The following ZNF774 variants were observed in gnomAD, a reference collection of about 807,000 sequenced individuals.
ZNF774 encodes zinc finger protein 774.
ZNF774 carries 14 observed loss-of-function variants against 11.1 expected under a neutral mutation model. That is an observed-to-expected ratio of 1.26 (90% confidence interval 0.83 to 1.97). The LOEUF is 1.97. ZNF774 is among the 30% of genes most tolerant of loss of function. The pLI, the probability that ZNF774 is intolerant of heterozygous loss-of-function variation, is 0.00. For missense variants in ZNF774, 599 were observed against 587.0 expected (o/e 1.02, Z -0.21); for synonymous variants, 195 against 212.6 (o/e 0.92, Z 0.72).
chr15:90,357,532 A>C (rs1327357746), intron 2 of ZNF774, among the ~76,000 whole-genome samples: 1 of 152,188 alleles, frequency 6.6e-6, no homozygotes, highest in Non-Finnish European at 1.5e-5. Flanking sequence ...CACAAAACAC[A>C]AAAAAAGAGT....
chr15:90,356,036 AAAAATAAAT>A (rs760481733), intron 2 of ZNF774, among the ~76,000 whole-genome samples: 19,845 of 140,444 alleles, frequency 0.14, 1,772 homozygotes, highest in South Asian at 0.21. Flanking sequence ...TCAAAAAAAA[AAAAATAAAT>A]AAAAAAAACC....
At chr15:90,354,401 T>C (rs1197755832) in intron 1 of ZNF774, among the ~76,000 whole-genome samples, 2 of 152,208 alleles carry the variant, frequency 1.3e-5, no homozygotes, top group East Asian at 3.8e-4. Flanking sequence ...AAAGACTGGG[T>C]TCTGTCGATG....
chr15:90,355,226 TCC>T, intron 2 of ZNF774: 1 of 451,730 alleles, frequency 2.2e-6, no homozygotes, highest in Admixed American at 2.4e-5. Flanking sequence ...AATTGTTGCC[TCC>T]TTGGGAGAAA....
Position 90,361,513 on chromosome 15 carries a change from G to T in ZNF774, c.*230G>T. ...GTGACTGACTCTTAGGGAAATGTGA[G>T]TTTAATAGTTGATGCCCGCCAGGCG... On this transcript the variant is annotated 3_prime_UTR_variant, in exon 4 of 4. Coordinates refer to ENST00000354377, the MANE Select transcript of ZNF774 (RefSeq NM_001004309.3). The T allele has an allele frequency of 7.8e-7, 1 of 1,274,744 alleles. No individual in the cohort carries two copies. Among genetic ancestry groups the T allele is most frequent in the African/African-American group, 1.5e-5 (1 of 66,992 alleles). The allele number at this position is 1,274,744 out of a possible 1,614,324, so 79.0% of individuals were successfully genotyped here.
chr15:90,361,404 T>C lies in ZNF774; in HGVS notation c.*121T>C. ...AATTTGGGCCCTGATCTATTCTCCC[T>C]CTTTCTTGTCTATGTTATAACAGAG... On this transcript the variant is annotated 3_prime_UTR_variant, in exon 4 of 4. Coordinates refer to ENST00000354377, the MANE Select transcript of ZNF774 (RefSeq NM_001004309.3). The C allele has an allele frequency of 4.7e-6, 7 of 1,492,308 alleles. No individual in the cohort carries two copies. Among genetic ancestry groups the C allele is most frequent in the South Asian group, 1.4e-5 (1 of 71,512 alleles). 92.4% of individuals were successfully genotyped at this position (1,492,308 alleles called of 1,614,324 possible).
In ZNF774 at chr15:90,358,899, A is replaced by T; in HGVS notation, c.153A>T (p.Pro51=). 1 of 1,613,592 alleles carries T rather than the reference A, an allele frequency of 6.2e-7. No individual in the cohort carries two copies. The highest frequency in any genetic ancestry group is 1.1e-5 in the South Asian group (1 of 91,078). Residue 51 remains proline, a synonymous_variant, in exon 3 of 4, where the codon CCA becomes CCT. Coordinates refer to ENST00000354377, the MANE Select transcript of ZNF774 (RefSeq NM_001004309.3). The part of the protein sequence containing the change: ...VISQPEQKEE[P]WVLPLQNFEA... ...CCCAGCCGGAGCAGAAAGAAGAGCC[A>T]TGGGTCCTACCACTCCAAAACTTTG...
chr15:90,353,797 A>G (rs1964206997), intron 1 of ZNF774, among the ~76,000 whole-genome samples: 1 of 152,040 alleles, frequency 6.6e-6, no homozygotes, highest in Non-Finnish European at 1.5e-5. Flanking sequence ...AGAGGTCTCA[A>G]TATGTTGCTG....
rs1486581844 is a variant in ZNF774, at chr15:90,362,777, A to G, written c.*1494A>G. 2 of 516,944 alleles carry G rather than the reference A, an allele frequency of 3.9e-6. No individual in the cohort carries two copies. Among genetic ancestry groups the G allele is most frequent in the Non-Finnish European group, 6.9e-6 (2 of 287,878 alleles). The allele number at this position is 516,944 out of a possible 1,614,324, so 32.0% of individuals were successfully genotyped here. A position where few individuals can be genotyped will look rare whatever the true frequency, so the allele number is the denominator to read the frequency against. ...CACACACACACACACACACACACACACACACACACTTTGTTGGTTAACTAT... is the reference window on the plus strand; with the variant it reads ...CACACACACACACACACACACACACGCACACACACTTTGTTGGTTAACTAT... On this transcript the variant is annotated 3_prime_UTR_variant, in exon 4 of 4. Coordinates refer to ENST00000354377, the MANE Select transcript of ZNF774 (RefSeq NM_001004309.3).
intron 2 of ZNF774, chr15:90,355,226 T>G: frequency 4.4e-6 from 2 of 451,730 alleles, no homozygotes; most frequent in Admixed American, 4.7e-5. Context: ...AATTGTTGCC[T>G]CCTTGGGAGA....
chr15:90,354,564 G>T (rs1042514112), intron 1 of ZNF774, 78 bp from the exon 2 acceptor site: 10 of 906,708 alleles, frequency 1.1e-5, no homozygotes, highest in African/African-American at 1.7e-5. Flanking sequence ...GTGTACACTG[G>T]TGGCCATTTT....
At chr15:90,355,810 C>T (rs915749629) in intron 2 of ZNF774, among the ~76,000 whole-genome samples, 1 of 149,342 alleles carries the variant, frequency 6.7e-6, no homozygotes, top group African/African-American at 2.5e-5. Context: ...GCAGGGAGAT[C>T]ACAAGGTCAG....
At position 90,360,942 on chromosome 15, in the gene ZNF774, G is replaced by A. The variant is rs1034124864; in HGVS notation, c.1111G>A (p.Gly371Ser). The A allele has an allele frequency of 6.2e-7, 1 of 1,614,072 alleles. No individual in the cohort carries two copies. The highest frequency in any genetic ancestry group is 8.5e-7 in the Non-Finnish European group (1 of 1,180,048). The change falls in exon 4 of 4, where the codon GGT (glycine) becomes AGT (serine). Residue 371 changes from glycine to serine, a missense_variant. Transcript: ENST00000354377. ...HLVTHQRTHT[G>S]ERPFKCENCG... is the part of the protein sequence containing the mutation. Reference sequence around the variant, plus strand: ...GGTCACGCACCAAAGAACACACACAGGTGAGAGACCTTTTAAGTGCGAAAA... The same window carrying A: ...GGTCACGCACCAAAGAACACACACAAGTGAGAGACCTTTTAAGTGCGAAAA...
At chr15:90,359,830 C>G (rs1964300469) in intron 3 of ZNF774, among the ~76,000 whole-genome samples, 1 of 151,126 alleles carries the variant, frequency 6.6e-6, no homozygotes, top group South Asian at 2.1e-4. Context: ...TATCAAGATT[C>G]ATCTGGCCAT....
At chr15:90,353,197 C>T (rs189137043) in intron 1 of ZNF774, among the ~76,000 whole-genome samples, 26 of 152,190 alleles carry the variant, frequency 1.7e-4, no homozygotes, top group African/African-American at 5.5e-4. Context: ...GAACTCCTGA[C>T]CCCAGGTGAT....
rs376790323 is a variant in ZNF774 at position 90,360,594 on chromosome 15, A to G, written c.763A>G (p.Arg255Gly). 34 of 1,613,958 alleles carry G rather than the reference A, an allele frequency of 2.1e-5. No individual in the cohort carries two copies. The highest frequency in any genetic ancestry group is 2.8e-5 in the Non-Finnish European group (33 of 1,180,024). The change falls in exon 4 of 4, where the codon AGA becomes GGA. Residue 255 changes from arginine to glycine, a missense_variant. Transcript: ENST00000354377. ...GAAGCCACACCTCATAATGCACCAA[A>G]GAACCCACACAGGCGAGAAGCCCTA... ...GRKPHLIMHQ[R>G]THTGEKPYAC...
At position 90,360,389 on chromosome 15, in the gene ZNF774, A is replaced by G. The variant is rs1964311351; in HGVS notation, c.558A>G (p.Lys186=). ...CCTATACGTGCATTGAGTGTGGGAA[A>G]GGCTTCAAACAGAGCTCAGACCTTG... The part of the protein sequence containing the change: ...ERPYTCIECG[K]GFKQSSDLVT... The change falls in exon 4 of 4, where the codon AAA becomes AAG. Residue 186 remains lysine (K), a synonymous_variant. Coordinates refer to ENST00000354377, the MANE Select transcript of ZNF774 (RefSeq NM_001004309.3). 1 of 1,614,080 alleles carries G rather than the reference A, an allele frequency of 6.2e-7. No homozygotes were observed. The highest frequency in any genetic ancestry group is 8.5e-7 in the Non-Finnish European group (1 of 1,180,022).
In ZNF774 at chr15:90,361,115, C is replaced by A; in HGVS notation, c.1284C>A (p.Asp428Glu). ...FITHQRIHLG[D>E]RPYRCPECGK... Reference sequence around the variant, plus strand: ...CCCATCAGCGAATCCACTTAGGAGACAGGCCCTATCGATGTCCTGAGTGTG... The same window carrying A: ...CCCATCAGCGAATCCACTTAGGAGAAAGGCCCTATCGATGTCCTGAGTGTG... Residue 428 changes from aspartate to glutamate, a missense_variant, in exon 4 of 4, where the codon GAC becomes GAA. Coordinates refer to ENST00000354377, the MANE Select transcript of ZNF774 (RefSeq NM_001004309.3). 1 of 1,614,196 alleles carries A rather than the reference C, an allele frequency of 6.2e-7. No individual in the cohort carries two copies.
intron 1 of ZNF774, 87 bp downstream of exon 1, chr15:90,352,498 C>G (rs1270697172): frequency 1.3e-5 from 2 of 152,448 alleles, no homozygotes; most frequent in African/African-American, 4.8e-5. Context: ...CAGACGTTTT[C>G]TCAGCGGGGT....
intron 1 of ZNF774, among the ~76,000 whole-genome samples, chr15:90,352,973 CT>C (rs11431247): frequency 1.1e-3 from 158 of 146,224 alleles, no homozygotes; most frequent in East Asian, 2.0e-3. Context: ...ACTCAAAACT[CT>C]TTTTTTTTTT....
Sources: gnomAD v4.1 joint callset for allele counts (sites outside exome capture counted in the v4.1 genomes callset) on GRCh38, gnomAD v4.1.1 for gene constraint, MANE v1.5 for transcripts, NCBI Gene and HGNC (gene_info 2026-07-23, HGNC 2026-07-21) for gene names.